RNF150: variants seen among roughly 807,000 people sequenced by gnomAD.
The protein encoded by RNF150 is ring finger protein 150.
RNF150 carries 24 observed loss-of-function variants against 39.3 expected under a neutral mutation model. The ratio of observed to expected loss-of-function variants is 0.61; its 90% CI spans 0.44 to 0.86. The LOEUF (loss-of-function observed/expected upper bound fraction) is 0.86. RNF150 is among the 40% of genes least tolerant of loss of function. The pLI is 0.00. For missense variants in RNF150, 502 were observed against 587.8 expected, an observed-to-expected ratio of 0.85 and a Z score of 1.51; for synonymous variants, 255 against 227.3, an observed-to-expected ratio of 1.12 and a Z score of -1.10.
intron 2 of RNF150, among the ~76,000 whole-genome samples, chr4:140,961,744 C>T (rs1248869694): frequency 4.0e-5 from 6 of 151,876 alleles, no homozygotes; most frequent in Non-Finnish European, 7.4e-5. Context: ...ACTGAGTGAC[C>T]CTATGGTAGC....
At chr4:141,209,661 A>G (rs1278605064) in intron 1 of RNF150, among the ~76,000 whole-genome samples, 1 of 152,108 alleles carries the variant, frequency 6.6e-6, no homozygotes, top group East Asian at 1.9e-4. Flanking sequence ...TTTTAAATTT[A>G]TTAAGAGTTC....
rs867525825 is a variant in RNF150, at chr4:141,173,444, A to G, written c.-6+39350T>C. On this transcript the variant is annotated intron_variant, in intron 1 of 7. Transcript: ENST00000420921. ...CATTATTTCAAACATTCCCCACAAC[A>G]ACGCTGAAAGGTAGAGATTTTTTGG... is the stretch of plus-strand genomic sequence containing the variant. 2.6e-5 allele frequency among the ~76,000 whole-genome samples: 4 copies of G among 152,242 alleles called. No homozygotes were observed. The South Asian group carries it at 8.3e-4, about 31-fold the overall frequency.
chr4:141,011,936 TG>T (rs1178452681), intron 1 of RNF150, among the ~76,000 whole-genome samples: 1 of 152,198 alleles, frequency 6.6e-6, no homozygotes, highest in Non-Finnish European at 1.5e-5. Context: ...AGGGATGTAC[TG>T]GGTAATGCTG....
chr4:140,930,576 C>A (rs1339781702), intron 4 of RNF150, among the ~76,000 whole-genome samples: 1 of 152,208 alleles, frequency 6.6e-6, no homozygotes, highest in African/African-American at 2.4e-5. Context: ...TCCCTGCCTC[C>A]ACATGGTCAA....
chr4:141,182,061 A>G (rs977300544), intron 1 of RNF150, among the ~76,000 whole-genome samples: 2 of 152,166 alleles, frequency 1.3e-5, no homozygotes, highest in African/African-American at 4.8e-5. Context: ...GCATATAAAC[A>G]GAGCCAAAGA....
intron 1 of RNF150, among the ~76,000 whole-genome samples, chr4:141,188,436 G>A (rs1332335813): frequency 6.6e-6 from 1 of 152,194 alleles, no homozygotes; most frequent in Non-Finnish European, 1.5e-5. Flanking sequence ...ATATCCTGAA[G>A]TGTGTTTTCC....
chr4:141,103,427 C>A (rs542281537), intron 1 of RNF150, among the ~76,000 whole-genome samples: 3 of 152,016 alleles, frequency 2.0e-5, no homozygotes, highest in African/African-American at 7.2e-5. Context: ...ACATTGTGGC[C>A]GCAGCAGGTA....
intron 5 of RNF150, among the ~76,000 whole-genome samples, chr4:140,924,461 G>A (rs993546966): frequency 6.6e-6 from 1 of 152,210 alleles, no homozygotes; most frequent in African/African-American, 2.4e-5. Context: ...AGAGCAGTGG[G>A]ATTGGCACTT....
intron 1 of RNF150, among the ~76,000 whole-genome samples, chr4:141,174,667 A>G (rs934535710): frequency 2.0e-5 from 3 of 152,078 alleles, no homozygotes; most frequent in Non-Finnish European, 4.4e-5. Flanking sequence ...CCACAAACTG[A>G]TAGAGGCTGC....
intron 1 of RNF150, among the ~76,000 whole-genome samples, chr4:140,976,531 C>A (rs1233772181): frequency 6.6e-6 from 1 of 151,966 alleles, no homozygotes; most frequent in South Asian, 2.1e-4. Context: ...TATCCTGGAC[C>A]TTGTCAGCAC....
At chr4:141,190,672 A>T (rs1266539034) in intron 1 of RNF150, among the ~76,000 whole-genome samples, 2 of 152,220 alleles carry the variant, frequency 1.3e-5, no homozygotes, top group Non-Finnish European at 2.9e-5. Flanking sequence ...CTCCCAGAAA[A>T]TAAAAGGATA....
chr4:141,187,288 G>T (rs889245301), intron 1 of RNF150, among the ~76,000 whole-genome samples: 2 of 152,138 alleles, frequency 1.3e-5, no homozygotes, highest in African/African-American at 4.8e-5. Flanking sequence ...GTCAATTTTA[G>T]AATAAGTGTG....
At chr4:140,957,502 A>T (rs1732811062) in intron 2 of RNF150, among the ~76,000 whole-genome samples, 1 of 152,224 alleles carries the variant, frequency 6.6e-6, no homozygotes, top group African/African-American at 2.4e-5. Context: ...GCGATTCCTC[A>T]GGGATCTAGA....
chr4:141,170,072 C>T (rs1288763872), intron 1 of RNF150, among the ~76,000 whole-genome samples: 2 of 152,136 alleles, frequency 1.3e-5, no homozygotes, highest in Admixed American at 6.6e-5. Flanking sequence ...TGGCTCACTG[C>T]TCGTATAATT....
intron 1 of RNF150, among the ~76,000 whole-genome samples, chr4:141,031,222 C>T (rs1288220461): frequency 1.3e-5 from 2 of 151,882 alleles, no homozygotes; most frequent in African/African-American, 4.8e-5. Context: ...AAGAATGAAA[C>T]TAGACCCTTA....
chr4:140,874,254 A>AT (rs1483566870), intron 6 of RNF150, among the ~76,000 whole-genome samples: 1 of 152,142 alleles, frequency 6.6e-6, no homozygotes, highest in Non-Finnish European at 1.5e-5. Context: ...ATGATTGTCG[A>AT]TAACAGTGGG....
chr4:140,949,731 G>C (rs1161843704), intron 2 of RNF150, among the ~76,000 whole-genome samples: 1 of 151,688 alleles, frequency 6.6e-6, no homozygotes, highest in Non-Finnish European at 1.5e-5. Context: ...CTCAATTTGT[G>C]ACACAGAGAT....
chr4:141,133,950 C>A (rs535402791), upstream of RNF150, among the ~76,000 whole-genome samples: 594 of 152,284 alleles, frequency 3.9e-3, 1 homozygote, highest in Middle Eastern at 0.014. Context: ...ATATGCATTT[C>A]TAACAAGTTC....
intron 1 of RNF150, among the ~76,000 whole-genome samples, chr4:141,021,173 C>T (rs555479419): frequency 9.7e-4 from 147 of 152,100 alleles, no homozygotes; most frequent in African/African-American, 3.5e-3. Context: ...AGATATCAGC[C>T]GGGGATGGTA....
Sources: gnomAD v4.1 joint callset for allele counts (sites outside exome capture counted in the v4.1 genomes callset) on GRCh38, gnomAD v4.1.1 for gene constraint, MANE v1.5 for transcripts, NCBI Gene and HGNC (gene_info 2026-07-23, HGNC 2026-07-21) for gene names.